ZNF112: variants seen among roughly 807,000 people sequenced by gnomAD.
ZNF112 encodes the protein zinc finger protein 112 (Y14).
ZNF112 carries 37 observed loss-of-function variants against 77.7 expected under a neutral mutation model. That is an observed-to-expected ratio of 0.48 (90% CI 0.37 to 0.63). ZNF112 has a LOEUF of 0.63. ZNF112 is among the 20% of genes least tolerant of loss of function. The pLI is 0.00. For missense variants in ZNF112, 950 were observed against 1,077.4 expected (o/e 0.88, Z 1.66); for synonymous variants, 333 against 363.6 (o/e 0.92, Z 0.96).
rs548280191 is a variant in ZNF112, at chr19:44,340,361, A to G, written c.124+55T>C. On this transcript the variant is annotated intron_variant, in intron 2 of 3. Coordinates refer to ENST00000354340, the MANE Select transcript of ZNF112 (RefSeq NM_013380.4). ...GCTTCAGAGTTTCTAACAATTGAGC[A>G]CACAAAGACACCCCAGGAGGCTGCC... 23 of 1,575,988 alleles carry G rather than the reference A, an allele frequency of 1.5e-5. No individual in the cohort carries two copies. The East Asian group carries it at 4.7e-4, about 32-fold the overall frequency.
chr19:44,361,139 A>G (rs1482816615), upstream of ZNF112, among the ~76,000 whole-genome samples: 3 of 152,202 alleles, frequency 2.0e-5, no homozygotes, highest in Non-Finnish European at 4.4e-5. Flanking sequence ...TTAGACATGC[A>G]AAATTCATCA....
At chr19:44,331,088 A>C (rs1473538617) in intron 3 of ZNF112, among the ~76,000 whole-genome samples, 1 of 152,238 alleles carries the variant, frequency 6.6e-6, no homozygotes, top group East Asian at 1.9e-4. Flanking sequence ...AGCTGCGCTA[A>C]GAGGGCTTAG....
chr19:44,350,827 C>T (rs945937449), intron 1 of ZNF112, among the ~76,000 whole-genome samples: 3 of 152,058 alleles, frequency 2.0e-5, no homozygotes, highest in Non-Finnish European at 2.9e-5. Context: ...TCCTAACCTT[C>T]CATTGAAAGT....
At position 44,340,561 on chromosome 19, in the gene ZNF112, G is replaced by A. The variant is rs768784933; in HGVS notation, c.-3-19C>T. ...CCATCTCCTACAATGCCAAACACAT[G>A]CACACTAAGTTTACAGAAGAAGGGC... On this transcript the variant is annotated intron_variant, in intron 1 of 3. Coordinates refer to ENST00000354340, the MANE Select transcript of ZNF112 (RefSeq NM_013380.4). The A allele has an allele frequency of 1.2e-6, 2 of 1,613,576 alleles. No individual in the cohort carries two copies. The highest frequency in any genetic ancestry group is 1.7e-5 in the Admixed American group (1 of 59,974).
chr19:44,337,860 C>A (rs1307964520), intron 2 of ZNF112, among the ~76,000 whole-genome samples: 1 of 149,612 alleles, frequency 6.7e-6, no homozygotes, highest in Admixed American at 6.7e-5. Context: ...CACACACACA[C>A]ACACACACAC....
At chr19:44,343,213 T>C (rs1314686150) in intron 1 of ZNF112, 2 of 1,608,814 alleles carry the variant, frequency 1.2e-6, no homozygotes. Flanking sequence ...CACTGCAAAA[T>C]GAGGTCACAT....
Position 44,329,823 on chromosome 19 carries a change from T to G in ZNF112, c.334A>C (p.Arg112=). 1 of 1,613,994 alleles carries G rather than the reference T, an allele frequency of 6.2e-7. No homozygotes were observed. The highest frequency in any genetic ancestry group is 1.1e-5 in the South Asian group (1 of 91,088). Residue 112 remains arginine, a synonymous_variant, in exon 4 of 4, where the codon AGG becomes CGG. Transcript: ENST00000354340. Reference sequence around the variant, plus strand: ...AAAACTTTCAGGAAATCTTGACACCTGATTAACCCACCTGCACTTTGTTGC... The same window carrying G: ...AAAACTTTCAGGAAATCTTGACACCGGATTAACCCACCTGCACTTTGTTGC... ...TWQQSAGGLI[R]CQDFLKVFQG... is the part of the protein sequence containing the mutation.
At chr19:44,349,976 G>A (rs1374634577) in intron 1 of ZNF112, among the ~76,000 whole-genome samples, 3 of 152,002 alleles carry the variant, frequency 2.0e-5, no homozygotes, top group African/African-American at 4.8e-5. Flanking sequence ...CCAAGTTTGA[G>A]TGGTTGAATG....
At chr19:44,365,625 A>G (rs1410930564) in intron 1 of ZNF112, among the ~76,000 whole-genome samples, 2 of 152,026 alleles carry the variant, frequency 1.3e-5, no homozygotes, top group African/African-American at 4.8e-5. Context: ...TAAATTGATG[A>G]ATTTATGGAC....
At chr19:44,342,223 A>G (rs1970503008) in intron 1 of ZNF112, among the ~76,000 whole-genome samples, 1 of 152,272 alleles carries the variant, frequency 6.6e-6, no homozygotes, top group Non-Finnish European at 1.5e-5. Context: ...ATAGGTACTG[A>G]GAAGAATCTA....
Position 44,327,709 on chromosome 19 carries a change from G to T in ZNF112, c.2448C>A (p.Ala816=), listed in dbSNP as rs139425410. ...TCTCTCCTGTGTGGACTCTGTGATGGGCTTGAAGACTTGAATACCCACTGA... is the reference window on the plus strand; with the variant it reads ...TCTCTCCTGTGTGGACTCTGTGATGTGCTTGAAGACTTGAATACCCACTGA... ...KGFSGYSSLQ[A]HHRVHTGEKP... Residue 816 remains alanine (A), a synonymous_variant, in exon 4 of 4, where the codon GCC becomes GCA. Transcript: ENST00000354340. 6.0e-5 allele frequency: 97 copies of T among 1,610,604 alleles called. No individual in the cohort carries two copies. Among genetic ancestry groups the T allele is most frequent in the Non-Finnish European group, 8.1e-5 (95 of 1,179,108 alleles).
In ZNF112 at chr19:44,329,045, A is replaced by G. The variant is rs779941207; in HGVS notation, c.1112T>C (p.Ile371Thr). Residue 371 changes from isoleucine (I) to threonine (T), a missense_variant, in exon 4 of 4, where the codon ATT becomes ACT. Transcript: ENST00000354340. ...TTCATCCCTAGTATGGACCCTAAAA[A>G]TACTATTAAGGTCTAAGCTATGACT... is the stretch of plus-strand genomic sequence containing the variant. ...AFSHSLDLNS[I>T]FRVHTRDEPH... 20 of 1,613,790 alleles carry G rather than the reference A, an allele frequency of 1.2e-5. No individual in the cohort carries two copies. Among genetic ancestry groups the G allele is most frequent in the Non-Finnish European group, 1.5e-5 (18 of 1,179,976 alleles).
chr19:44,341,064 TC>T, intron 1 of ZNF112: 1 of 448,464 alleles, frequency 2.2e-6, no homozygotes, highest in Non-Finnish European at 4.5e-6. Context: ...AGCTCTATGA[TC>T]TTGGACAAGT....
intron 3 of ZNF112, 84 bp from the exon 4 acceptor site, chr19:44,330,020 T>A (rs1030240149): frequency 9.3e-7 from 1 of 1,070,690 alleles, no homozygotes; most frequent in Non-Finnish European, 1.3e-6. Context: ...GGTCATAACA[T>A]GAAACTTGAA....
chr19:44,337,414 A>ATATTTT (rs1455625918), intron 2 of ZNF112, among the ~76,000 whole-genome samples: 5 of 27,552 alleles, frequency 1.8e-4, no homozygotes, highest in African/African-American at 6.0e-4. Flanking sequence ...TTTTATATAT[A>ATATTTT]ATAATATATA....
At chr19:44,363,959 G>A (rs1348030189) in intron 1 of ZNF112, among the ~76,000 whole-genome samples, 2 of 152,138 alleles carry the variant, frequency 1.3e-5, no homozygotes, top group Non-Finnish European at 1.5e-5. Flanking sequence ...ATGCAGGCTG[G>A]AGTGCGGTGG....
chr19:44,361,450 G>A (rs1464428865), upstream of ZNF112, among the ~76,000 whole-genome samples: 1 of 152,100 alleles, frequency 6.6e-6, no homozygotes, highest in Non-Finnish European at 1.5e-5. Flanking sequence ...CAATACAATA[G>A]AGTATTATTC....
intron 1 of ZNF112, among the ~76,000 whole-genome samples, chr19:44,354,654 G>A (rs58216091): frequency 0.03 from 4,558 of 152,244 alleles, 181 homozygotes; most frequent in African/African-American, 0.09. Flanking sequence ...CCAGCTGTCT[G>A]TTGAGTAGCT....
intron 1 of ZNF112, among the ~76,000 whole-genome samples, chr19:44,354,746 G>T (rs999804153): frequency 1.3e-5 from 2 of 152,102 alleles, no homozygotes; most frequent in Non-Finnish European, 2.9e-5. Flanking sequence ...AGAAATAGAA[G>T]AACTTTCAGT....
Sources: allele counts gnomAD v4.1 joint callset (sites outside exome capture counted in the v4.1 genomes callset), GRCh38; gene constraint gnomAD v4.1.1; transcripts MANE v1.5; gene names NCBI Gene and HGNC (gene_info 2026-07-23, HGNC 2026-07-21).